The following PLEC variants were observed in gnomAD, a reference collection of about 807,000 sequenced individuals.
PLEC encodes the protein plectin.
A neutral mutation model predicts 392.8 loss-of-function variants in PLEC; 216 were observed. The observed-to-expected ratio is 0.55, with a 90% CI of 0.49 to 0.62. The LOEUF is 0.62. PLEC is among the 20% of genes least tolerant of loss of function. The probability of loss-of-function intolerance (pLI) is 0.00; values close to 1 mark genes in which losing one functional copy is unlikely to be tolerated. For synonymous variants in PLEC, 3,621 were observed against 2,980.6 expected (o/e 1.21, Z -7.00); for missense variants, 6,863 against 6,563.4 (o/e 1.05, Z -1.58).
rs782600224 is a variant in PLEC at position 143,920,651 on chromosome 8, A to G, written c.9170T>C (p.Leu3057Pro). ...CCCGGTGCCGGCCTGGGCTTCCAAC[A>G]GGGCCACGGCCATGTCGGATGGCAG... The part of the protein sequence containing the change: ...DLLPSDMAVA[L>P]LEAQAGTGHI... The change falls in exon 32 of 32, where the codon CTG (leucine) becomes CCG (proline). Residue 3057 changes from leucine to proline, a missense_variant. Coordinates refer to ENST00000345136, the MANE Select transcript of PLEC (RefSeq NM_201384.3). The G allele has an allele frequency of 2.5e-6, 4 of 1,604,786 alleles. No homozygotes were observed. Among genetic ancestry groups the G allele is most frequent in the Non-Finnish European group, 3.4e-6 (4 of 1,179,884 alleles).
chr8:143,975,365 G>A (rs375114308), upstream of PLEC: 2 of 1,607,878 alleles, frequency 1.2e-6, no homozygotes, highest in African/African-American at 1.3e-5. This position sits in a 1 kb window ranked among gnomAD's most constrained non-coding sequence, Gnocchi z 9.9. Flanking sequence ...GTCCTCACCC[G>A]ACATGGCCTC....
At chr8:143,963,749 C>A (rs1314205958) in intron 1 of PLEC, among the ~76,000 whole-genome samples, 1 of 151,630 alleles carries the variant, frequency 6.6e-6, no homozygotes, top group Non-Finnish European at 1.5e-5. Context: ...GTTAAGCAAT[C>A]CTCCTACCTC....
At chr8:143,966,779 G>A (rs897103883) in intron 1 of PLEC, among the ~76,000 whole-genome samples, 1 of 152,182 alleles carries the variant, frequency 6.6e-6, no homozygotes, top group Non-Finnish European at 1.5e-5. Context: ...TCAGGAAGCC[G>A]GATTGGTGGA....
intron 1 of PLEC, among the ~76,000 whole-genome samples, chr8:143,966,223 C>A (rs1349968706): frequency 1.3e-5 from 2 of 152,216 alleles, no homozygotes; most frequent in Admixed American, 6.5e-5. Flanking sequence ...CCCATGGCTG[C>A]ACAGCTGCCC....
chr8:143,951,873 C>CT (rs1413834915), upstream of PLEC, among the ~76,000 whole-genome samples: 3 of 152,104 alleles, frequency 2.0e-5, no homozygotes, highest in African/African-American at 7.2e-5. Flanking sequence ...CCACCCCCCC[C>CT]TCCCCGCCCC....
At chr8:143,925,982 G>A (rs911880311) in intron 30 of PLEC, 98 bp from the exon 31 acceptor site, 70 of 1,319,110 alleles carry the variant, frequency 5.3e-5, no homozygotes, top group African/African-American at 8.7e-5. Context: ...CAGACAGCGC[G>A]GAGCAGGGGT....
At chr8:143,970,052 T>C (rs1277732294) in intron 1 of PLEC, among the ~76,000 whole-genome samples, 3 of 152,090 alleles carry the variant, frequency 2.0e-5, no homozygotes, top group Non-Finnish European at 4.4e-5. Flanking sequence ...CCACTGTGCC[T>C]GGCCCCCTCC....
At chr8:143,953,490 C>T (rs984888226), upstream of PLEC, among the ~76,000 whole-genome samples, 2 of 151,892 alleles carry the variant, frequency 1.3e-5, no homozygotes, top group Admixed American at 6.5e-5. Flanking sequence ...AGCAGCCACC[C>T]CGCCCCCGAC....
At chr8:143,950,953 G>A (rs1192452794), upstream of PLEC, 9 of 729,890 alleles carry the variant, frequency 1.2e-5, no homozygotes, top group Admixed American at 3.6e-5. Context: ...CCTCCAGGAC[G>A]CCGGGCCGGC....
At chr8:143,934,226 C>A in intron 11 of PLEC, 92 bp downstream of exon 11, 1 of 1,600,748 alleles carries the variant, frequency 6.2e-7, no homozygotes, top group East Asian at 2.2e-5. Context: ...GCTTGGGTTC[C>A]CCCGCCGGGG....
At chr8:143,922,448 C>T in intron 31 of PLEC, 53 bp from the exon 32 acceptor site, 2 of 1,600,974 alleles carry the variant, frequency 1.2e-6, no homozygotes, top group South Asian at 1.1e-5. Flanking sequence ...GCACCCATCA[C>T]CCACCAAAGC....
Position 143,916,544 on chromosome 8 carries a change from C to T in PLEC, c.13277G>A (p.Arg4426His), listed in dbSNP as rs782384228. 8.1e-6 allele frequency: 13 copies of T among 1,611,810 alleles called. No homozygotes were observed. Among genetic ancestry groups the T allele is most frequent in the Admixed American group, 3.3e-5 (2 of 59,992 alleles). ...GTACTTGGAGTAGGCGCCCACGTCA[C>T]GCAGCTTCTGTGCGGTGCGGGCGTC... ...TVDARTAQKL[R>H]DVGAYSKYLT... Residue 4426 changes from arginine (R) to histidine (H), a missense_variant, in exon 32 of 32, where the codon CGT (arginine) becomes CAT (histidine). Physicochemically the swap from Arg to His is conservative, Grantham distance 29. Coordinates refer to ENST00000345136, the MANE Select transcript of PLEC (RefSeq NM_201384.3).
rs782252125 is a variant in PLEC at position 143,922,641 on chromosome 8, G to C, written c.7288C>G (p.Leu2430Val). The C allele has an allele frequency of 3.1e-6, 5 of 1,613,440 alleles. No individual in the cohort carries two copies. The African/African-American group carries it at 5.3e-5, about 17-fold the overall frequency. The change falls in exon 31 of 32, where the codon CTG becomes GTG. Residue 2430 changes from leucine (L) to valine (V), a missense_variant. Physicochemically the swap from Leu to Val is conservative, Grantham distance 32 (BLOSUM62 1). Coordinates refer to ENST00000345136, the MANE Select transcript of PLEC (RefSeq NM_201384.3). ...TELATQEKVT[L>V]VQTLEIQRQQ... Reference sequence around the variant, plus strand: ...CGCTGGATCTCCAGTGTCTGCACCAGGGTCACCTTCTCCTGGGTGGCGAGC... The same window carrying C: ...CGCTGGATCTCCAGTGTCTGCACCACGGTCACCTTCTCCTGGGTGGCGAGC...
chr8:143,937,613 C>A, intron 3 of PLEC: 2 of 500,672 alleles, frequency 4.0e-6, no homozygotes, highest in Admixed American at 2.3e-5. Context: ...GGTGGACGGG[C>A]AGCTTGACAC....
chr8:143,967,058 C>T (rs1407892616), intron 1 of PLEC, among the ~76,000 whole-genome samples: 2 of 152,110 alleles, frequency 1.3e-5, no homozygotes, highest in Non-Finnish European at 2.9e-5. Context: ...ATTGATATGG[C>T]TAAAGAAACC....
chr8:143,919,999 G>T lies in PLEC; in HGVS notation c.9822C>A (p.Phe3274Leu), dbSNP rs372147543. The change falls in exon 32 of 32, where the codon TTC (phenylalanine) becomes TTA (leucine). Residue 3274 changes from phenylalanine to leucine, a missense_variant. Transcript: ENST00000345136. ...AEQRQELLRQ[F>L]RTGKVTVEKV... ...TCTCCACGGTGACCTTGCCCGTGCG[G>T]AACTGACGCAACAGCTCCTGCCGCT... The T allele has an allele frequency of 6.2e-7, 1 of 1,613,164 alleles. No homozygotes were observed. Among genetic ancestry groups the T allele is most frequent in the Non-Finnish European group, 8.5e-7 (1 of 1,180,034 alleles).
At chr8:143,937,710 G>C (rs1290092080) in intron 3 of PLEC, 8 of 489,396 alleles carry the variant, frequency 1.6e-5, no homozygotes, top group Non-Finnish European at 3.2e-5. Context: ...GTCTTGGGGA[G>C]CTCCCGTGCC....
In PLEC at chr8:143,929,807, T is replaced by C; in HGVS notation, c.2762A>G (p.Glu921Gly). 6.3e-7 allele frequency: 1 copy of C among 1,598,856 alleles called. No individual in the cohort carries two copies. The highest frequency in any genetic ancestry group is 8.5e-7 in the Non-Finnish European group (1 of 1,178,086). The stretch of plus-strand genomic sequence containing the variant: ...CAGGCTGTGCAGGGCTTGGCGCTGC[T>C]CCTCTGGCTTCAGGGTGCGGAACTG... ...LATFRTLKPE[E>G]QRQALHSLEL... Residue 921 changes from glutamate (E) to glycine (G), a missense_variant, in exon 23 of 32, where the codon GAG (glutamate) becomes GGG (glycine). Transcript: ENST00000345136.
intron 3 of PLEC, 42 bp downstream of exon 3, chr8:143,938,109 G>A (rs1554724950): frequency 2.1e-6 from 3 of 1,453,474 alleles, no homozygotes; most frequent in African/African-American, 1.4e-5. Context: ...GAGGTCTCCA[G>A]GTGGGGCAGG....
Sources: gnomAD v4.1 joint callset for allele counts (sites outside exome capture counted in the v4.1 genomes callset) on GRCh38, gnomAD v4.1.1 for gene constraint, Gnocchi (gnomAD v3.1) non-coding constraint, MANE v1.5 for transcripts, NCBI Gene and HGNC (gene_info 2026-07-23, HGNC 2026-07-21) for gene names.